Variants in CCDC7 observed in about 807,000 individuals in gnomAD.
CCDC7 encodes the protein coiled-coil domain-containing protein 7.
A neutral mutation model predicts 196.9 loss-of-function variants in CCDC7; 183 were observed. The ratio of observed to expected loss-of-function variants is 0.93; its 90% confidence interval spans 0.82 to 1.05. CCDC7 has a LOEUF of 1.05. CCDC7 is among the 50% of genes least tolerant of loss of function. The pLI, the probability that CCDC7 is intolerant of heterozygous loss-of-function variation, is 0.00. For missense variants in CCDC7, 1,540 were observed against 1,482.2 expected (o/e 1.04, Z -0.64); for synonymous variants, 525 against 484.6 (o/e 1.08, Z -1.10).
chr10:32,860,147 C>T (rs191564651), intron 41 of CCDC7, among the ~76,000 whole-genome samples: 295 of 152,120 alleles, frequency 1.9e-3, no homozygotes, highest in Non-Finnish European at 3.6e-3. Context: ...TGATGAACAT[C>T]GATGTAAAAA....
At chr10:32,566,298 CAT>C (rs1300561029) in intron 14 of CCDC7, among the ~76,000 whole-genome samples, 1 of 151,926 alleles carries the variant, frequency 6.6e-6, no homozygotes, top group Non-Finnish European at 1.5e-5. Flanking sequence ...ACAGAAAAGA[CAT>C]AGCAAAATTG....
At chr10:32,602,727 A>G (rs1177789145) in intron 18 of CCDC7, among the ~76,000 whole-genome samples, 1 of 152,210 alleles carries the variant, frequency 6.6e-6, no homozygotes, top group Non-Finnish European at 1.5e-5. Flanking sequence ...AAGATCAAGT[A>G]AGTTAATATA....
At chr10:32,653,278 G>T (rs1219655796) in intron 20 of CCDC7, among the ~76,000 whole-genome samples, 1 of 152,116 alleles carries the variant, frequency 6.6e-6, no homozygotes, top group Non-Finnish European at 1.5e-5. Context: ...TGCTCCCTAT[G>T]TGAGCACTGG....
chr10:32,558,769 A>G (rs908196166), intron 13 of CCDC7, among the ~76,000 whole-genome samples: 1 of 152,192 alleles, frequency 6.6e-6, no homozygotes, highest in African/African-American at 2.4e-5. Context: ...CTGCATTTCC[A>G]TCTGAGGTAC....
chr10:32,495,691 C>A (rs976707264), intron 9 of CCDC7, among the ~76,000 whole-genome samples: 10 of 152,142 alleles, frequency 6.6e-5, no homozygotes, highest in African/African-American at 2.4e-4. Context: ...TGTCAAAGAT[C>A]ATATGGTTGT....
At chr10:32,703,401 C>T (rs7074071) in intron 24 of CCDC7, among the ~76,000 whole-genome samples, 21,828 of 152,014 alleles carry the variant, frequency 0.14, 1,954 homozygotes, top group African/African-American at 0.25. Flanking sequence ...GTCTGATGGG[C>T]TTCCCTTTGT....
At chr10:32,451,090 T>TA (rs2032938155), upstream of CCDC7, among the ~76,000 whole-genome samples, 3 of 152,192 alleles carry the variant, frequency 2.0e-5, no homozygotes, top group African/African-American at 7.2e-5. Context: ...CCTCCTTACT[T>TA]GCAGGAAATG....
intron 32 of CCDC7, among the ~76,000 whole-genome samples, chr10:32,827,379 T>C (rs760462034): frequency 7.2e-5 from 11 of 152,170 alleles, no homozygotes; most frequent in Non-Finnish European, 1.5e-4. Context: ...TTTTCCATCA[T>C]GGGAAGGGCA....
chr10:32,758,457 A>G (rs1322832536), intron 28 of CCDC7, among the ~76,000 whole-genome samples: 2 of 152,202 alleles, frequency 1.3e-5, no homozygotes, highest in African/African-American at 2.4e-5. Flanking sequence ...ATAAAAATCA[A>G]TAAAGTAATC....
intron 29 of CCDC7, among the ~76,000 whole-genome samples, chr10:32,780,365 A>G (rs2080848981): frequency 6.6e-6 from 1 of 152,248 alleles, no homozygotes; most frequent in Non-Finnish European, 1.5e-5. Context: ...CATTATTATT[A>G]TAATTTTGGT....
At chr10:32,728,784 T>C (rs2083479986) in intron 26 of CCDC7, 103 bp from the exon 28 acceptor site, 2 of 579,410 alleles carry the variant, frequency 3.5e-6, no homozygotes, top group Non-Finnish European at 5.8e-6. Flanking sequence ...TCTAGCATTA[T>C]GGTAATTTAC....
chr10:32,730,840 G>A (rs1404070250), intron 28 of CCDC7, among the ~76,000 whole-genome samples: 1 of 151,926 alleles, frequency 6.6e-6, no homozygotes, highest in Non-Finnish European at 1.5e-5. Flanking sequence ...AGAAAGAAGA[G>A]ATTCCATAGT....
intron 21 of CCDC7, among the ~76,000 whole-genome samples, chr10:32,683,709 C>T (rs554345808): frequency 6.6e-6 from 1 of 152,298 alleles, no homozygotes; most frequent in South Asian, 2.1e-4. Flanking sequence ...GTGAGTACTG[C>T]TGCAGCAGCA....
chr10:32,485,909 A>G (rs1425068663), intron 8 of CCDC7, among the ~76,000 whole-genome samples: 3 of 152,198 alleles, frequency 2.0e-5, no homozygotes, highest in Non-Finnish European at 4.4e-5. Flanking sequence ...GGAGTGCTTT[A>G]CTTCCAACTA....
chr10:32,660,249 A>G (rs2071000607), intron 20 of CCDC7, among the ~76,000 whole-genome samples: 3 of 142,956 alleles, frequency 2.1e-5, no homozygotes, highest in Admixed American at 7.1e-5. Flanking sequence ...AGCATTAGGT[A>G]TATCTCCCAA....
At chr10:32,844,272 C>A (rs541706178) in intron 33 of CCDC7, among the ~76,000 whole-genome samples, 1 of 151,972 alleles carries the variant, frequency 6.6e-6, no homozygotes, top group Non-Finnish European at 1.5e-5. Flanking sequence ...GGAATGCAAT[C>A]TCAATGCTTA....
At chr10:32,474,210 C>CCTT (rs2038523329) in intron 8 of CCDC7, among the ~76,000 whole-genome samples, 187 bp downstream of exon 9, 1 of 58,958 alleles carries the variant, frequency 1.7e-5, no homozygotes, top group Non-Finnish European at 3.1e-5. Flanking sequence ...AAACTAGATT[C>CCTT]TTTTTTTTTT....
In CCDC7 at chr10:32,582,106, CTATATATATATATATA is replaced by C. The variant is rs6143863; in HGVS notation, c.1455-909_1455-894del. 3.5e-4 allele frequency among the ~76,000 whole-genome samples: 36 copies of C among 103,764 alleles called. 1 individual carries two copies. Among genetic ancestry groups the C allele is most frequent in the East Asian group, 1.0e-3 (4 of 3,834 alleles). 68.1% of individuals were successfully genotyped at this position (103,764 alleles called of 152,430 possible). On this transcript the variant is annotated intron_variant, in intron 16 of 41. Transcript: ENST00000639629. ...TCTATGTTTTTTTAAACTGTCAGCACTATATATATATATATATATATATATATATATATACTTTTTT... is the reference window on the plus strand; with the variant it reads ...TCTATGTTTTTTTAAACTGTCAGCACTATATATATATATATATACTTTTTT...
At chr10:32,779,052 T>A in exon 29 of CCDC7, 1 of 1,549,970 alleles carries the variant, frequency 6.5e-7, no homozygotes, top group Non-Finnish European at 8.7e-7. Flanking sequence ...ATTAGCGACC[T>A]AATAATTCAA....
Sources: gnomAD v4.1 joint callset for allele counts (sites outside exome capture counted in the v4.1 genomes callset) on GRCh38, gnomAD v4.1.1 for gene constraint, MANE v1.5 for transcripts, NCBI Gene and HGNC (gene_info 2026-07-23, HGNC 2026-07-21) for gene names.